The following RSRP1 variants were observed in gnomAD, a reference collection of about 807,000 sequenced individuals.
RSRP1 encodes the protein arginine/serine-rich protein 1.
Under a neutral mutation model 33.0 loss-of-function variants are expected in RSRP1, and 37 were observed. The observed-to-expected ratio is 1.12, with a 90% CI of 0.86 to 1.48. The LOEUF (loss-of-function observed/expected upper bound fraction) is 1.48, where lower values mean the gene tolerates loss of function less well. Ranked by LOEUF, RSRP1 falls within the 40% of genes most tolerant of loss-of-function variation. The pLI is 0.00. For missense variants in RSRP1, 402 were observed against 385.3 expected, an observed-to-expected ratio of 1.04 and a Z score of -0.36; for synonymous variants, 167 against 158.7, an observed-to-expected ratio of 1.05 and a Z score of -0.40.
Position 25,246,484 on chromosome 1 carries a change from C to T in RSRP1, c.480G>A (p.Thr160=). ...GAAAGGGGGTTCTGCTCCGCGACCT[C>T]GTCCTGGATCTGTCCCTCCATCTGC... The part of the protein sequence containing the change: ...EHSRWRDRSR[T]RSRSRTPFRL... Residue 160 remains threonine (T), a synonymous_variant, in exon 2 of 5, where the codon ACG becomes ACA. Coordinates refer to ENST00000243189, the MANE Select transcript of RSRP1 (RefSeq NM_020317.5). The T allele has an allele frequency of 1.2e-6, 2 of 1,614,230 alleles. No homozygotes were observed. The highest frequency in any genetic ancestry group is 2.2e-5 in the South Asian group (2 of 91,090).
At position 25,303,283 on chromosome 1, in the gene RSRP1, C is replaced by G. The variant is rs1387428208; in HGVS notation, c.-67+34695G>C. 5.5e-6 allele frequency: 7 copies of G among 1,264,872 alleles called. 1 individual carries two copies. The Admixed American group carries it at 1.3e-4, about 23-fold the overall frequency. 78.4% of individuals were successfully genotyped at this position (1,264,872 alleles called of 1,614,324 possible). A position where few individuals can be genotyped will look rare whatever the true frequency, so the allele number is the denominator to read the frequency against. ...CTTGCAGCAAGATGGTGTTCTCTCTCTACCTTGCTTCCTTTACCCACACGC... is the reference window on the plus strand; with the variant it reads ...CTTGCAGCAAGATGGTGTTCTCTCTGTACCTTGCTTCCTTTACCCACACGC... On this transcript the variant is annotated intron_variant, in intron 1 of 1. Transcript: ENST00000561867.
intron 1 of RSRP1, among the ~76,000 whole-genome samples, chr1:25,259,051 G>A (rs1457792400): frequency 8.5e-5 from 13 of 152,074 alleles, no homozygotes; most frequent in Admixed American, 3.9e-4. Flanking sequence ...CATATATGAT[G>A]GTGGTCATCC....
Position 25,308,929 on chromosome 1 carries a change from A to T in RSRP1, c.-67+29049T>A, listed in dbSNP as rs377167394. ...TCTATCTGTAAAATGGGAAAATAAGACCTATGTCACAGGGTTGCTGTGCAG... is the reference window on the plus strand; with the variant it reads ...TCTATCTGTAAAATGGGAAAATAAGTCCTATGTCACAGGGTTGCTGTGCAG... On this transcript the variant is annotated intron_variant, in intron 1 of 1. Coordinates refer to the RSRP1 transcript ENST00000561867. Among the ~76,000 whole-genome samples, 4 of 131,076 alleles carry T rather than the reference A, an allele frequency of 3.1e-5. 1 individual carries two copies. The highest frequency in any genetic ancestry group is 7.9e-5 in the African/African-American group (3 of 37,782). The allele number at this position is 131,076 out of a possible 152,430, so 86.0% of individuals were successfully genotyped here.
chr1:25,309,923 T>TG (rs1409569319), intron 1 of RSRP1, among the ~76,000 whole-genome samples: 1 of 133,308 alleles, frequency 7.5e-6, no homozygotes, highest in East Asian at 2.0e-4. Context: ...TAGAATGAGT[T>TG]GTGGGGTGGC....
In RSRP1 at chr1:25,333,591, C is replaced by A. The variant is rs1449536898; in HGVS notation, c.-67+4387G>T. ...CCTGAGGAGGTGGCCTGGCCAGGAGCTAGAGCATGAGGATCTCGTAGGATT... is the reference window on the plus strand; with the variant it reads ...CCTGAGGAGGTGGCCTGGCCAGGAGATAGAGCATGAGGATCTCGTAGGATT... On this transcript the variant is annotated intron_variant, in intron 1 of 1. Coordinates refer to the RSRP1 transcript ENST00000561867. 1.5e-5 allele frequency among the ~76,000 whole-genome samples: 2 copies of A among 130,572 alleles called. 1 individual carries two copies. The highest frequency in any genetic ancestry group is 3.6e-5 in the Non-Finnish European group (2 of 55,506). 85.7% of individuals were successfully genotyped at this position (130,572 alleles called of 152,430 possible). A position where few individuals can be genotyped will look rare whatever the true frequency, so the allele number is the denominator to read the frequency against.
rs1439727646 is a variant in RSRP1 at position 25,306,398 on chromosome 1, T to C, written c.-67+31580A>G. Among the ~76,000 whole-genome samples the C allele has an allele frequency of 3.0e-5, 4 of 131,604 alleles. 1 individual carries two copies. The highest frequency in any genetic ancestry group is 7.2e-5 in the Non-Finnish European group (4 of 55,702). 86.3% of individuals were successfully genotyped at this position (131,604 alleles called of 152,430 possible). ...AAATGCTGTTAGACCCCACCCCACA[T>C]CCACTAAAGCCAGCTCTTCATTTCA... is the stretch of plus-strand genomic sequence containing the variant. On this transcript the variant is annotated intron_variant, in intron 1 of 1. Coordinates refer to the RSRP1 transcript ENST00000561867.
intron 1 of RSRP1, 70 bp from the exon 2 acceptor site, chr1:25,247,099 T>C: frequency 2.1e-6 from 2 of 963,322 alleles, no homozygotes; most frequent in South Asian, 2.4e-5. Context: ...GAAGCCACAG[T>C]CGGGGAACCT....
In RSRP1 at chr1:25,333,521, G is replaced by A; in HGVS notation, c.-67+4457C>T. The stretch of plus-strand genomic sequence containing the variant: ...ATCACGGTCAGCAAAGAAGCCATGT[G>A]ACAGAGAAGGGTGGGCCAGGGAGAG... On this transcript the variant is annotated intron_variant, in intron 1 of 1. Coordinates refer to the RSRP1 transcript ENST00000561867. Among the ~76,000 whole-genome samples the A allele has an allele frequency of 1.5e-5, 2 of 129,992 alleles. 1 individual carries two copies. The highest frequency in any genetic ancestry group is 3.6e-5 in the Non-Finnish European group (2 of 55,630). The allele number at this position is 129,992 out of a possible 152,430, so 85.3% of individuals were successfully genotyped here. A position where few individuals can be genotyped will look rare whatever the true frequency, so the allele number is the denominator to read the frequency against.
In RSRP1 at chr1:25,301,621, G is replaced by A. The variant is rs760646401; in HGVS notation, c.-67+36357C>T. The A allele has an allele frequency of 6.5e-6, 9 of 1,380,396 alleles. 1 individual carries two copies. The Admixed American group carries it at 1.4e-4, about 22-fold the overall frequency. 85.5% of individuals were successfully genotyped at this position (1,380,396 alleles called of 1,614,324 possible). A position where few individuals can be genotyped will look rare whatever the true frequency, so the allele number is the denominator to read the frequency against. On this transcript the variant is annotated intron_variant, in intron 1 of 1. Transcript: ENST00000561867. ...CGTGTTCAACACCTACTATGCTGTA[G>A]CAGTCAGCGTGGTGACAGCCATCTC...
chr1:25,242,746 T>C, intron 4 of RSRP1, 41 bp from the exon 5 acceptor site: 3 of 1,329,890 alleles, frequency 2.3e-6, no homozygotes, highest in East Asian at 2.3e-5. Context: ...AAACATACAT[T>C]GTACACTTTT....
chr1:25,244,398 GT>G (rs1385314687), intron 3 of RSRP1: 1 of 1,289,376 alleles, frequency 7.8e-7, no homozygotes, highest in East Asian at 5.5e-5. Context: ...AGTTTTCAGT[GT>G]GTGAACATAA....
At chr1:25,249,959 C>T (rs1370849383), upstream of RSRP1, among the ~76,000 whole-genome samples, 2 of 152,154 alleles carry the variant, frequency 1.3e-5, no homozygotes, top group African/African-American at 2.4e-5. Flanking sequence ...GATAGAGAAA[C>T]GCCACACTTG....
upstream of RSRP1, among the ~76,000 whole-genome samples, chr1:25,251,665 G>A (rs772252141): frequency 2.0e-5 from 3 of 152,042 alleles, no homozygotes; most frequent in Non-Finnish European, 4.4e-5. Context: ...CACTGCGCCC[G>A]GCTCAAAGTT....
rs745708012 is a variant in RSRP1 at position 25,246,927 on chromosome 1, G to A, written c.37C>T (p.Pro13Ser). The A allele has an allele frequency of 3.8e-6, 6 of 1,593,462 alleles. No individual in the cohort carries two copies. The African/African-American group carries it at 8.1e-5, about 22-fold the overall frequency. Residue 13 changes from proline (P) to serine (S), a missense_variant, in exon 2 of 5, where the codon CCG (proline) becomes TCG (serine). Coordinates refer to ENST00000243189, the MANE Select transcript of RSRP1 (RefSeq NM_020317.5). ...NYVNDMWPGSPQEKDSPSTSR... is the reference protein window; with the variant it reads ...NYVNDMWPGSSQEKDSPSTSR... ...GTCGAGGGCGAATCCTTCTCCTGCGGCGAGCCCGGCCACATGTCGTTCACG... is the reference window on the plus strand; with the variant it reads ...GTCGAGGGCGAATCCTTCTCCTGCGACGAGCCCGGCCACATGTCGTTCACG...
intron 1 of RSRP1, among the ~76,000 whole-genome samples, chr1:25,319,410 G>T (rs147213063): frequency 2.3e-5 from 3 of 131,992 alleles, no homozygotes; most frequent in African/African-American, 7.7e-5. Context: ...GAGGCCAGGA[G>T]TTCAAGCCAG....
intron 1 of RSRP1, among the ~76,000 whole-genome samples, chr1:25,255,665 A>G (rs1639924942): frequency 6.6e-6 from 1 of 152,196 alleles, no homozygotes; most frequent in African/African-American, 2.4e-5. Context: ...TAAAATAGTT[A>G]TACAACTTGC....
At position 25,258,410 on chromosome 1, in the gene RSRP1, C is replaced by T. The variant is rs189095600; in HGVS notation, c.-66-11381G>A. On this transcript the variant is annotated intron_variant, in intron 1 of 1. Coordinates refer to the RSRP1 transcript ENST00000561867. Reference sequence around the variant, plus strand: ...GGCCAGGCTGGTCTTGAACTCCTGACGCTGTGATCCACCTGCCTGGGTCTC... The same window carrying T: ...GGCCAGGCTGGTCTTGAACTCCTGATGCTGTGATCCACCTGCCTGGGTCTC... Among the ~76,000 whole-genome samples the T allele has an allele frequency of 3.7e-4, 56 of 152,166 alleles. No individual in the cohort carries two copies. The East Asian group carries it at 4.4e-3, about 12-fold the overall frequency.
Position 25,295,614 on chromosome 1 carries a change from A to G in RSRP1, c.-67+42364T>C, listed in dbSNP as rs1642866936. The stretch of plus-strand genomic sequence containing the variant: ...TGGGTGGCAGAAGTGTAACGCAGGG[A>G]AAGAGACGAGCGGTCAAGGAGCCGA... On this transcript the variant is annotated intron_variant, in intron 1 of 1. Coordinates refer to the RSRP1 transcript ENST00000561867. Among the ~76,000 whole-genome samples, 3 of 105,908 alleles carry G rather than the reference A, an allele frequency of 2.8e-5. 1 individual carries two copies. The highest frequency in any genetic ancestry group is 9.8e-5 in the Admixed American group (1 of 10,162). The allele number at this position is 105,908 out of a possible 152,430, so 69.5% of individuals were successfully genotyped here. A position where few individuals can be genotyped will look rare whatever the true frequency, so the allele number is the denominator to read the frequency against.
rs1452106910 is a variant in RSRP1 at position 25,300,701 on chromosome 1, A to G, written c.-67+37277T>C. Among the ~76,000 whole-genome samples the G allele has an allele frequency of 1.5e-5, 2 of 131,290 alleles. 1 individual carries two copies. The highest frequency in any genetic ancestry group is 3.6e-5 in the Non-Finnish European group (2 of 55,608). The allele number at this position is 131,290 out of a possible 152,430, so 86.1% of individuals were successfully genotyped here. A position where few individuals can be genotyped will look rare whatever the true frequency, so the allele number is the denominator to read the frequency against. The stretch of plus-strand genomic sequence containing the variant: ...GCGCATGCCTGTAATCCCAGCTACT[A>G]GGGAAGCTGAGGCAGGAGAATCGCG... On this transcript the variant is annotated intron_variant, in intron 1 of 1. Coordinates refer to the RSRP1 transcript ENST00000561867.
Sources: gnomAD v4.1 joint callset for allele counts (sites outside exome capture counted in the v4.1 genomes callset) on GRCh38, gnomAD v4.1.1 for gene constraint, MANE v1.5 for transcripts, NCBI Gene and HGNC (gene_info 2026-07-23, HGNC 2026-07-21) for gene names.